The following RIC3 variants were observed in gnomAD, a reference collection of about 807,000 sequenced individuals.
The protein encoded by RIC3 is RIC3 acetylcholine receptor chaperone.
In RIC3, 28 loss-of-function variants were observed where a neutral mutation model predicts 27.3. The observed-to-expected ratio is 1.02, with a 90% CI of 0.76 to 1.41. The LOEUF is 1.41. RIC3 is among the 40% of genes most tolerant of loss of function. RIC3 has a pLI of 0.00. For synonymous variants in RIC3, 184 were observed against 160.4 expected (o/e 1.15, Z -1.11); for missense variants, 501 against 444.7 (o/e 1.13, Z -1.14).
At chr11:8,094,057 G>A in the RIC3 span, 20 of 1,614,132 alleles carry the variant, frequency 1.2e-5, no homozygotes, top group Middle Eastern at 1.6e-4. Flanking sequence ...TCAAGAGGCC[G>A]ACTCACTCGC....
chr11:8,112,511 T>G (rs990870193), intron 5 of RIC3, among the ~76,000 whole-genome samples: 1 of 152,156 alleles, frequency 6.6e-6, no homozygotes, highest in African/African-American at 2.4e-5. Flanking sequence ...GCCAGGCTGG[T>G]CTCAAACTCC....
At chr11:8,147,780 T>G (rs2134050891) in intron 1 of RIC3, among the ~76,000 whole-genome samples, 1 of 145,000 alleles carries the variant, frequency 6.9e-6, no homozygotes, top group East Asian at 2.0e-4. Context: ...CAGGCTGGAG[T>G]GCAGTGGCGC....
chr11:8,149,166 C>A (rs1236084026), intron 1 of RIC3, among the ~76,000 whole-genome samples: 1 of 151,442 alleles, frequency 6.6e-6, no homozygotes, highest in East Asian at 1.9e-4. Context: ...GCACTCCAGC[C>A]TGGGTGACAG....
chr11:8,130,064 CTTTA>C (rs1169286918), intron 4 of RIC3, among the ~76,000 whole-genome samples: 1 of 152,162 alleles, frequency 6.6e-6, no homozygotes, highest in African/African-American at 2.4e-5. Flanking sequence ...TCCAATGCAT[CTTTA>C]TTTATTTATT....
At chr11:8,160,689 TAGA>T (rs1951086250) in intron 1 of RIC3, among the ~76,000 whole-genome samples, 1 of 152,198 alleles carries the variant, frequency 6.6e-6, no homozygotes, top group South Asian at 2.1e-4. Context: ...GCATTAAGTA[TAGA>T]AGAAGAAGAG....
chr11:8,101,642 GTTGCC>G (rs1156482668), downstream of RIC3: 4 of 1,613,060 alleles, frequency 2.5e-6, no homozygotes, highest in Non-Finnish European at 3.4e-6. Flanking sequence ...GCCCTTTGGG[GTTGCC>G]CAGCCTGGAG....
chr11:8,139,715 C>G (rs1041147115), intron 2 of RIC3: 1 of 342,436 alleles, frequency 2.9e-6, no homozygotes, highest in African/African-American at 2.3e-5. Context: ...CCAAAAGATC[C>G]ATGTTCAAGT....
intron 1 of RIC3, among the ~76,000 whole-genome samples, chr11:8,151,540 C>T (rs1471071201): frequency 7.3e-6 from 1 of 136,206 alleles, no homozygotes; most frequent in Admixed American, 7.5e-5. Flanking sequence ...GAGTCGAGAT[C>T]GCGCCACTGC....
chr11:8,110,582 T>C lies in RIC3; in HGVS notation c.*116A>G, dbSNP rs1945125170. 4 of 906,606 alleles carry C rather than the reference T, an allele frequency of 4.4e-6. No homozygotes were observed. The highest frequency in any genetic ancestry group is 1.6e-5 in the African/African-American group (1 of 61,610). The allele number at this position is 906,606 out of a possible 1,614,324, so 56.2% of individuals were successfully genotyped here. A position where few individuals can be genotyped will look rare whatever the true frequency, so the allele number is the denominator to read the frequency against. On this transcript the variant is annotated 3_prime_UTR_variant, in exon 6 of 6. Transcript: ENST00000309737. ...CATGATATCCATGATAGTGGCCTGA[T>C]AGCTATGACACTTGAACACAGTGAA...
downstream of RIC3, chr11:8,102,724 A>G (rs573243879): frequency 6.6e-6 from 1 of 152,138 alleles, no homozygotes; most frequent in East Asian, 1.9e-4. Context: ...ATATTTTAGA[A>G]CCACAAGAGA....
downstream of RIC3, chr11:8,101,364 C>T (rs1243372494): frequency 1.5e-6 from 2 of 1,295,614 alleles, no homozygotes; most frequent in Non-Finnish European, 2.2e-6. Context: ...TTTGTGATTC[C>T]CCTGGCATCT....
chr11:8,157,739 G>C (rs765965923), intron 1 of RIC3, among the ~76,000 whole-genome samples: 22 of 152,084 alleles, frequency 1.4e-4, no homozygotes, highest in Non-Finnish European at 2.2e-4. Context: ...GCTAAAAATA[G>C]TTTTTTACTT....
At chr11:8,101,763 C>G, downstream of RIC3, 3 of 1,407,614 alleles carry the variant, frequency 2.1e-6, no homozygotes, top group Non-Finnish European at 2.8e-6. Context: ...GCCCAGCCAG[C>G]CAGGAACTGG....
At chr11:8,100,766 T>C in the RIC3 span, 1 of 1,600,464 alleles carries the variant, frequency 6.2e-7, no homozygotes, top group South Asian at 1.1e-5. Flanking sequence ...ATAGATCCCT[T>C]TCTGGGGTGG....
intron 1 of RIC3, among the ~76,000 whole-genome samples, chr11:8,162,417 G>A (rs544431882): frequency 2.0e-5 from 3 of 152,236 alleles, no homozygotes; most frequent in East Asian, 1.9e-4. Flanking sequence ...TCCTCACAAC[G>A]CAGTGTCTAC....
the RIC3 span, chr11:8,095,584 G>T: frequency 6.2e-7 from 1 of 1,613,078 alleles, no homozygotes; most frequent in South Asian, 1.1e-5. Context: ...GTCAGACCAC[G>T]CCCAGGACGC....
At chr11:8,141,065 C>G (rs1248111480) in intron 1 of RIC3, among the ~76,000 whole-genome samples, 3 of 148,414 alleles carry the variant, frequency 2.0e-5, no homozygotes, top group African/African-American at 5.0e-5. Context: ...CGGTACCAGC[C>G]GCTGCAAAAT....
At chr11:8,095,852 C>G in the RIC3 span, among the ~76,000 whole-genome samples, 1 of 152,238 alleles carries the variant, frequency 6.6e-6, no homozygotes, top group Non-Finnish European at 1.5e-5. Context: ...CCCAGGGAGG[C>G]CCTGATTTGG....
intron 1 of RIC3, among the ~76,000 whole-genome samples, chr11:8,151,252 T>C (rs990092048): frequency 6.6e-6 from 1 of 152,130 alleles, no homozygotes; most frequent in Non-Finnish European, 1.5e-5. Context: ...TGAAAAGGGT[T>C]AGTATCCAAA....
Sources: allele counts gnomAD v4.1 joint callset (sites outside exome capture counted in the v4.1 genomes callset), GRCh38; gene constraint gnomAD v4.1.1; transcripts MANE v1.5; gene names NCBI Gene and HGNC (gene_info 2026-07-23, HGNC 2026-07-21).